LARP7: variants seen among roughly 807,000 people sequenced by gnomAD.
The protein encoded by LARP7 is la-related protein 7.
In LARP7, 52 loss-of-function variants were observed where a neutral mutation model predicts 69.3. The ratio of observed to expected loss-of-function variants is 0.75; its 90% CI spans 0.60 to 0.95. LARP7 has a LOEUF of 0.95. Ranked by LOEUF, LARP7 falls within the 40% of genes least tolerant of loss-of-function variation. The probability of loss-of-function intolerance (pLI) is 0.00; values close to 1 mark genes in which losing one functional copy is unlikely to be tolerated. For missense variants in LARP7, 733 were observed against 673.0 expected (o/e 1.09, Z -0.99); for synonymous variants, 254 against 215.9 (o/e 1.18, Z -1.55).
At position 112,653,159 on chromosome 4, in the gene LARP7, C is replaced by A; in HGVS notation, c.1499C>A (p.Pro500His). The change falls in exon 11 of 13, where the codon CCT becomes CAT. Residue 500 changes from proline (P) to histidine (H), a missense_variant. By Grantham distance (77) the Pro-to-His change is moderately conservative. Transcript: ENST00000344442. ...GAATGCCATGCTAGATTTAAAACTC[C>A]TGAGGATGCTCAAGCAGTAATAAAT... ...DTECHARFKT[P>H]EDAQAVINAY... The A allele has an allele frequency of 1.2e-6, 2 of 1,610,274 alleles. No homozygotes were observed. The highest frequency in any genetic ancestry group is 1.7e-6 in the Non-Finnish European group (2 of 1,178,122).
rs1461842983 is a variant in LARP7 at position 112,644,804 on chromosome 4, G to A, written c.135G>A (p.Trp45Ter). 6.2e-7 allele frequency: 1 copy of A among 1,609,426 alleles called. No individual in the cohort carries two copies. The highest frequency in any genetic ancestry group is 8.5e-7 in the Non-Finnish European group (1 of 1,176,992). The change falls in exon 2 of 13, where the codon TGG becomes TGA. Residue 45 changes from tryptophan (W) to a stop codon, truncating the protein, a stop_gained. Coordinates refer to ENST00000344442, the MANE Select transcript of LARP7 (RefSeq NM_016648.4). LOFTEE classifies it high-confidence loss of function. Reference sequence around the variant, plus strand: ...ATATTGCTAAGCAAGTGGACTTCTGGTTTGGGGATGCAAATCTTCACAAGG... The same window carrying A: ...ATATTGCTAAGCAAGTGGACTTCTGATTTGGGGATGCAAATCTTCACAAGG... ...LADIAKQVDF[W>*]FGDANLHKDR...
At chr4:112,644,940 A>G (rs2149256930) in intron 2 of LARP7, 69 bp downstream of exon 2, 7 of 356,868 alleles carry the variant, frequency 2.0e-5, no homozygotes, top group South Asian at 1.2e-4. Flanking sequence ...ATAAAATAAT[A>G]TATTCTTTTT....
chr4:112,649,933 A>C (rs1482990552), intron 9 of LARP7: 1 of 269,540 alleles, frequency 3.7e-6, no homozygotes, highest in African/African-American at 2.3e-5. Flanking sequence ...CATCAAGCAC[A>C]TGAGTGCAGA....
chr4:112,640,057 G>A (rs2047900707), intron 1 of LARP7, among the ~76,000 whole-genome samples: 1 of 152,096 alleles, frequency 6.6e-6, no homozygotes, highest in Admixed American at 6.6e-5. Context: ...TCCTGCCTCA[G>A]CCTCCCGAGT....
intron 8 of LARP7, among the ~76,000 whole-genome samples, chr4:112,648,920 C>T (rs1298358042): frequency 6.8e-6 from 1 of 146,260 alleles, no homozygotes; most frequent in African/African-American, 2.5e-5. Context: ...AGATATCTTC[C>T]TCTTAAAAAA....
chr4:112,646,980 A>AAAAG, intron 5 of LARP7, 25 bp downstream of exon 5: 1 of 1,578,128 alleles, frequency 6.3e-7, no homozygotes, highest in South Asian at 1.2e-5. Context: ...TAAAAAAAAA[A>AAAAG]AAAGAAAGAA....
chr4:112,642,933 C>G (rs1368390859), intron 1 of LARP7, among the ~76,000 whole-genome samples: 1 of 152,188 alleles, frequency 6.6e-6, no homozygotes, highest in Non-Finnish European at 1.5e-5. Context: ...CTCCAGTTTC[C>G]AAGAAGACTG....
At chr4:112,645,511 G>C (rs565279870) in intron 2 of LARP7, 1 of 455,996 alleles carries the variant, frequency 2.2e-6, no homozygotes, top group South Asian at 1.5e-5. Context: ...GTTATTTTTT[G>C]TTTCATTTTT....
At chr4:112,648,395 T>C in intron 8 of LARP7, 1 of 534,700 alleles carries the variant, frequency 1.9e-6, no homozygotes, top group South Asian at 1.4e-5. Context: ...CTTACTTTTG[T>C]TTCACACAGC....
intron 1 of LARP7, 23 bp downstream of exon 1, chr4:112,637,262 G>A (rs1183913432): frequency 6.6e-6 from 1 of 152,240 alleles, no homozygotes; most frequent in Admixed American, 6.6e-5. Flanking sequence ...CGGCCTATAG[G>A]GTCGCACAGC....
intron 2 of LARP7, among the ~76,000 whole-genome samples, chr4:112,645,938 A>T (rs935129672): frequency 6.6e-6 from 1 of 152,084 alleles, no homozygotes; most frequent in African/African-American, 2.4e-5. Context: ...AGTTACATAC[A>T]CTAAAATGTG....
chr4:112,646,270 G>C (rs956143536), intron 2 of LARP7, 81 bp from the exon 3 acceptor site: 4 of 682,178 alleles, frequency 5.9e-6, no homozygotes, highest in Non-Finnish European at 7.4e-6. Context: ...GAGCCTGAGG[G>C]CCTGAGGGGC....
intron 2 of LARP7, among the ~76,000 whole-genome samples, 192 bp downstream of exon 2, chr4:112,645,063 C>T (rs780962179): frequency 2.1e-5 from 3 of 146,232 alleles, no homozygotes; most frequent in Non-Finnish European, 3.0e-5. Context: ...TCTCCTGCCT[C>T]AGCCTCCCGA....
chr4:112,654,451 G>A (rs1312300329), intron 12 of LARP7: 3 of 227,282 alleles, frequency 1.3e-5, no homozygotes, highest in East Asian at 1.8e-4. Context: ...CTTGTAGTTT[G>A]GTGATAAATG....
At position 112,654,108 on chromosome 4, in the gene LARP7, TAGAC is replaced by T. The variant is rs755439936; in HGVS notation, c.1620_1623del (p.Ala542AsnfsTer15). The T allele has an allele frequency of 1.7e-5, 27 of 1,613,826 alleles. No individual in the cohort carries two copies. Among genetic ancestry groups the T allele is most frequent in the African/African-American group, 2.7e-5 (2 of 74,928 alleles). On this transcript the variant is annotated frameshift_variant, in exon 12 of 13. Coordinates refer to ENST00000344442, the MANE Select transcript of LARP7 (RefSeq NM_016648.4). LOFTEE classifies it high-confidence loss of function. ...GGTATTGGCAGAAGATTTTGGTTGATAGACAGGCAAAACTTAATCAGCCTCGGGA... is the reference window on the plus strand; with the variant it reads ...GGTATTGGCAGAAGATTTTGGTTGATAGGCAAAACTTAATCAGCCTCGGGA...
intron 1 of LARP7, among the ~76,000 whole-genome samples, chr4:112,642,071 A>G (rs2047985779): frequency 6.6e-6 from 1 of 152,200 alleles, no homozygotes; most frequent in South Asian, 2.1e-4. Flanking sequence ...TTGAAAAGGA[A>G]GAAGACTCGT....
chr4:112,651,050 C>T (rs2048708584), intron 10 of LARP7, among the ~76,000 whole-genome samples: 1 of 152,062 alleles, frequency 6.6e-6, no homozygotes, highest in South Asian at 2.1e-4. Context: ...CTTCTGTAGC[C>T]TTTTATACCA....
chr4:112,653,814 G>C (rs570645618), intron 11 of LARP7, among the ~76,000 whole-genome samples: 10 of 152,108 alleles, frequency 6.6e-5, no homozygotes, highest in Non-Finnish European at 1.2e-4. Context: ...GTAGAGAAGG[G>C]GCTTTGCCTT....
chr4:112,647,248 CAA>C lies in LARP7; in HGVS notation c.697_698del (p.Asn233TyrfsTer17), dbSNP rs1164032252. The C allele has an allele frequency of 6.2e-7, 1 of 1,607,198 alleles. No individual in the cohort carries two copies. The highest frequency in any genetic ancestry group is 8.5e-7 in the Non-Finnish European group (1 of 1,178,302). The part of the protein sequence containing the change: ...KKKGRMKKED[N>X]IQAKEENMDT... ...AGAAAGGCCGAATGAAAAAGGAAGA[CAA>C]TATCCAAGCCAAAGAAGAAAACATG... On this transcript the variant is annotated frameshift_variant, in exon 7 of 13. Coordinates refer to ENST00000344442, the MANE Select transcript of LARP7 (RefSeq NM_016648.4). LOFTEE classifies it high-confidence loss of function.
Sources: gnomAD v4.1 joint callset for allele counts (sites outside exome capture counted in the v4.1 genomes callset) on GRCh38, gnomAD v4.1.1 for gene constraint, MANE v1.5 for transcripts, NCBI Gene and HGNC (gene_info 2026-07-23, HGNC 2026-07-21) for gene names.